Variants in COG5 observed in about 807,000 individuals in gnomAD.
The protein encoded by COG5 is component of oligomeric golgi complex 5.
A neutral mutation model predicts 110.4 loss-of-function variants in COG5; 86 were observed. The ratio of observed to expected loss-of-function variants is 0.78; its 90% CI spans 0.65 to 0.93. The LOEUF is 0.93. Among genes scored for constraint, COG5 ranks in the 40% least tolerant of loss-of-function variants. COG5 has a pLI of 0.00. For missense variants in COG5, 1,077 were observed against 987.0 expected (o/e 1.09, Z -1.22); for synonymous variants, 360 against 334.6 (o/e 1.08, Z -0.83).
intron 11 of COG5, among the ~76,000 whole-genome samples, chr7:107,302,037 T>C (rs1354726523): frequency 4.6e-5 from 7 of 152,320 alleles, no homozygotes; most frequent in East Asian, 3.9e-4. Flanking sequence ...TTTTAGATAT[T>C]TGTCCAATAA....
chr7:107,366,087 A>G (rs1349530011), intron 8 of COG5, among the ~76,000 whole-genome samples: 1 of 152,130 alleles, frequency 6.6e-6, no homozygotes, highest in East Asian at 1.9e-4. Context: ...ATCACCAAAG[A>G]AAGAATAGAA....
Position 107,230,710 on chromosome 7 carries a change from C to T in COG5, c.2092-19G>A. 6.4e-7 allele frequency: 1 copy of T among 1,560,868 alleles called. No homozygotes were observed. Among genetic ancestry groups the T allele is most frequent in the Non-Finnish European group, 8.8e-7 (1 of 1,131,832 alleles). On this transcript the variant is annotated intron_variant, in intron 18 of 21. Coordinates refer to ENST00000297135, the MANE Select transcript of COG5 (RefSeq NM_006348.5). Reference sequence around the variant, plus strand: ...ACTCCATCTGAAATATTAAAATATACTCCATTGTTGTAATGTCAGAATCAT... The same window carrying T: ...ACTCCATCTGAAATATTAAAATATATTCCATTGTTGTAATGTCAGAATCAT...
At chr7:107,462,795 T>C (rs553750612) in intron 6 of COG5, among the ~76,000 whole-genome samples, 75 of 152,146 alleles carry the variant, frequency 4.9e-4, no homozygotes, top group Non-Finnish European at 7.1e-4. Context: ...GTAGAAATGA[T>C]GGCAATCTGG....
chr7:107,474,882 C>T lies in COG5; in HGVS notation c.538+52355G>A. ...ATGAGGCTACAGACATGTCACAAAG[C>T]AGTGGTGGGAGAAATGTAGTCTTTG... On this transcript the variant is annotated intron_variant, in intron 6 of 21. Coordinates refer to ENST00000297135, the MANE Select transcript of COG5 (RefSeq NM_006348.5). The surrounding 1 kb of genome is among the most constrained non-coding windows in gnomAD (Gnocchi z 5.7). 1 of 1,613,058 alleles carries T rather than the reference C, an allele frequency of 6.2e-7. No individual in the cohort carries two copies. The highest frequency in any genetic ancestry group is 8.5e-7 in the Non-Finnish European group (1 of 1,179,372).
chr7:107,315,059 G>A (rs1451498046), intron 11 of COG5, among the ~76,000 whole-genome samples: 1 of 151,612 alleles, frequency 6.6e-6, no homozygotes, highest in African/African-American at 2.4e-5. Context: ...CTTTAAATGA[G>A]TATATTAGGT....
intron 7 of COG5, among the ~76,000 whole-genome samples, chr7:107,381,451 G>C (rs747653821): frequency 3.0e-4 from 45 of 152,186 alleles, no homozygotes; most frequent in Non-Finnish European, 6.0e-4. Flanking sequence ...TAATGTCTAA[G>C]TATATGCTAC....
At chr7:107,321,245 T>C (rs1222398152) in intron 11 of COG5, among the ~76,000 whole-genome samples, 4 of 152,146 alleles carry the variant, frequency 2.6e-5, no homozygotes, top group African/African-American at 7.2e-5. Context: ...AAAACAGTGA[T>C]AAATTTAAGA....
chr7:107,450,011 A>G (rs1341199902), intron 6 of COG5: 5 of 152,230 alleles, frequency 3.3e-5, no homozygotes, highest in Non-Finnish European at 7.3e-5. Flanking sequence ...TGGTTTAATA[A>G]GTTTAGAAAG....
chr7:107,519,824 T>C (rs1319103379), intron 6 of COG5, among the ~76,000 whole-genome samples: 1 of 149,526 alleles, frequency 6.7e-6, no homozygotes, highest in Non-Finnish European at 1.5e-5. Flanking sequence ...TACCAAAATC[T>C]GGCAGAGACA....
At chr7:107,457,601 T>C (rs1795745570) in intron 6 of COG5, among the ~76,000 whole-genome samples, 1 of 152,008 alleles carries the variant, frequency 6.6e-6, no homozygotes, top group South Asian at 2.1e-4. Context: ...GCTAATTTTT[T>C]GTATTTTTCA....
At chr7:107,514,208 C>T (rs915680615) in intron 6 of COG5, among the ~76,000 whole-genome samples, 3 of 151,788 alleles carry the variant, frequency 2.0e-5, no homozygotes, top group African/African-American at 7.3e-5. Context: ...CTTGATTATA[C>T]TTTTAAAAAA....
At chr7:107,431,509 G>A (rs1252635295) in intron 6 of COG5, among the ~76,000 whole-genome samples, 4 of 152,008 alleles carry the variant, frequency 2.6e-5, no homozygotes, top group Non-Finnish European at 4.4e-5. Context: ...TAAAAAGATG[G>A]GGAAAATCAC....
intron 14 of COG5, among the ~76,000 whole-genome samples, chr7:107,259,073 T>A (rs746685260): frequency 2.6e-5 from 4 of 152,122 alleles, no homozygotes; most frequent in Non-Finnish European, 1.5e-5. Context: ...TCTAAATTCA[T>A]GAGTTTTAGG....
intron 5 of COG5, among the ~76,000 whole-genome samples, chr7:107,542,064 C>T (rs772053901): frequency 1.3e-5 from 2 of 151,618 alleles, no homozygotes; most frequent in Non-Finnish European, 2.9e-5. Flanking sequence ...TGAGGCAAAA[C>T]AATACGTGCT....
At chr7:107,242,239 G>A (rs1004381440) in intron 17 of COG5, among the ~76,000 whole-genome samples, 2 of 152,158 alleles carry the variant, frequency 1.3e-5, no homozygotes, top group African/African-American at 2.4e-5. Context: ...CAACCTGACC[G>A]ACAGAGAATG....
At chr7:107,257,994 T>C (rs1034393797) in intron 15 of COG5, among the ~76,000 whole-genome samples, 4 of 152,146 alleles carry the variant, frequency 2.6e-5, no homozygotes, top group African/African-American at 9.7e-5. Context: ...GTATGAAATA[T>C]GTATGATCTG....
chr7:107,206,898 C>A (rs937292013), intron 21 of COG5, among the ~76,000 whole-genome samples: 6 of 152,110 alleles, frequency 3.9e-5, no homozygotes, highest in Admixed American at 3.3e-4. Flanking sequence ...CATTAGCTTT[C>A]TTGGAAGTCA....
At chr7:107,317,651 T>C (rs916460827) in intron 11 of COG5, among the ~76,000 whole-genome samples, 1 of 152,218 alleles carries the variant, frequency 6.6e-6, no homozygotes, top group Non-Finnish European at 1.5e-5. Flanking sequence ...GATCAAACTG[T>C]CTTTAAGTAT....
chr7:107,236,353 C>A, intron 18 of COG5, 97 bp downstream of exon 18: 3 of 924,232 alleles, frequency 3.2e-6, no homozygotes, highest in Non-Finnish European at 5.4e-6. Flanking sequence ...CTTTGTGCTG[C>A]AACTCTTTAA....
Sources: gnomAD v4.1 joint callset for allele counts (sites outside exome capture counted in the v4.1 genomes callset) on GRCh38, gnomAD v4.1.1 for gene constraint, Gnocchi (gnomAD v3.1) non-coding constraint, MANE v1.5 for transcripts, NCBI Gene and HGNC (gene_info 2026-07-23, HGNC 2026-07-21) for gene names.